CYB5R4: variants seen among roughly 807,000 people sequenced by gnomAD.
CYB5R4 encodes cytochrome b5 reductase 4, also known as N-terminal cytochrome b5 and cytochrome b5 oxidoreductase domain-containing protein.
A neutral mutation model predicts 70.2 loss-of-function variants in CYB5R4; 55 were observed. The ratio of observed to expected loss-of-function variants is 0.78; its 90% CI spans 0.63 to 0.98. The LOEUF is 0.98. Among genes scored for constraint, CYB5R4 ranks in the 50% least tolerant of loss-of-function variants. CYB5R4 has a pLI of 0.00. For synonymous variants in CYB5R4, 197 were observed against 199.5 expected (o/e 0.99, Z 0.11); for missense variants, 562 against 612.6 (o/e 0.92, Z 0.87).
intron 3 of CYB5R4, among the ~76,000 whole-genome samples, chr6:83,898,680 A>G (rs1236071129): frequency 6.6e-6 from 1 of 152,058 alleles, no homozygotes; most frequent in African/African-American, 2.4e-5. Context: ...GGTCCTTCAC[A>G]TCCCTTGTAA....
intron 4 of CYB5R4, among the ~76,000 whole-genome samples, chr6:83,912,097 A>G (rs2099464788): frequency 6.9e-6 from 1 of 145,042 alleles, no homozygotes; most frequent in Non-Finnish European, 1.5e-5. Flanking sequence ...CTTTATTTTT[A>G]ATTCCGTTTA....
chr6:83,907,886 C>G (rs1393816767), intron 3 of CYB5R4, among the ~76,000 whole-genome samples: 1 of 152,064 alleles, frequency 6.6e-6, no homozygotes, highest in Non-Finnish European at 1.5e-5. Flanking sequence ...CATTTATGGG[C>G]ATTTAGGTTG....
chr6:83,955,059 TA>T (rs1019649820), intron 14 of CYB5R4, among the ~76,000 whole-genome samples: 8 of 150,896 alleles, frequency 5.3e-5, no homozygotes, highest in African/African-American at 9.7e-5. Context: ...TAGTTCAATT[TA>T]AAAAAAAATG....
chr6:83,939,504 T>G (rs1004017752), intron 12 of CYB5R4, among the ~76,000 whole-genome samples: 1 of 152,182 alleles, frequency 6.6e-6, no homozygotes, highest in African/African-American at 2.4e-5. Flanking sequence ...TTAATAGGTC[T>G]TTTCAAAAAT....
intron 14 of CYB5R4, among the ~76,000 whole-genome samples, chr6:83,945,210 A>G (rs1216773804): frequency 2.0e-4 from 30 of 152,052 alleles, no homozygotes. Context: ...AGGAACAGAA[A>G]TCATAACGGT....
intron 3 of CYB5R4, among the ~76,000 whole-genome samples, chr6:83,900,947 G>A (rs1018315908): frequency 6.6e-6 from 1 of 152,156 alleles, no homozygotes; most frequent in Admixed American, 6.6e-5. Flanking sequence ...TCTTTTAATT[G>A]GAGCATTCAG....
rs1386694190 is a variant in CYB5R4, at chr6:83,962,056, A to G, written c.*2178A>G. ...AATGGGAGTGACTAATTTGAGAATC[A>G]GCTGAGCTTCAGTTTTCAATATCCA... On this transcript the variant is annotated 3_prime_UTR_variant, in exon 16 of 16. Transcript: ENST00000369681. 6.6e-6 allele frequency: 1 copy of G among 152,176 alleles called. No homozygotes were observed. Among genetic ancestry groups the G allele is most frequent in the Non-Finnish European group, 1.5e-5 (1 of 68,036 alleles). 9.4% of individuals were successfully genotyped at this position (152,176 alleles called of 1,614,324 possible).
intron 3 of CYB5R4, among the ~76,000 whole-genome samples, chr6:83,906,852 A>T (rs1225501293): frequency 6.6e-6 from 1 of 152,180 alleles, no homozygotes; most frequent in African/African-American, 2.4e-5. Flanking sequence ...TTCCAGTATC[A>T]ACATTTTTTT....
At chr6:83,922,398 T>C in intron 8 of CYB5R4, 40 bp from the exon 9 acceptor site, 2 of 1,567,758 alleles carry the variant, frequency 1.3e-6, no homozygotes, top group Non-Finnish European at 1.7e-6. Context: ...ACTGTATGAA[T>C]TGAAGTTCTA....
At chr6:83,869,767 C>T (rs1376249945) in intron 2 of CYB5R4, among the ~76,000 whole-genome samples, 1 of 151,678 alleles carries the variant, frequency 6.6e-6, no homozygotes, top group Admixed American at 6.6e-5. Context: ...AGGTTCCAGT[C>T]AGCCGAGATC....
intron 2 of CYB5R4, among the ~76,000 whole-genome samples, chr6:83,864,914 CTT>C (rs1326784509): frequency 1.3e-5 from 2 of 151,864 alleles, no homozygotes; most frequent in Admixed American, 1.3e-4. Flanking sequence ...TAAAAGCTGA[CTT>C]TGTGGTAGCC....
At chr6:83,880,237 T>C (rs2099459238) in intron 2 of CYB5R4, among the ~76,000 whole-genome samples, 1 of 152,254 alleles carries the variant, frequency 6.6e-6, no homozygotes, top group Non-Finnish European at 1.5e-5. Context: ...ATCATTTCTT[T>C]GTGATGGGAA....
At chr6:83,905,872 A>G (rs1174964112) in intron 3 of CYB5R4, among the ~76,000 whole-genome samples, 2 of 152,158 alleles carry the variant, frequency 1.3e-5, no homozygotes, top group African/African-American at 2.4e-5. Context: ...GCCAGTCTCT[A>G]ACCCTGCAGA....
intron 2 of CYB5R4, among the ~76,000 whole-genome samples, chr6:83,891,081 A>T (rs533946661): frequency 6.6e-6 from 1 of 152,016 alleles, no homozygotes; most frequent in African/African-American, 2.4e-5. Flanking sequence ...TAGCAGGGGG[A>T]CTACAGGCAC....
At chr6:83,898,584 TC>T (rs1443504836) in intron 3 of CYB5R4, among the ~76,000 whole-genome samples, 6 of 152,252 alleles carry the variant, frequency 3.9e-5, no homozygotes, top group Admixed American at 3.3e-4. Flanking sequence ...TATTGATTCT[TC>T]CTACCCACGA....
chr6:83,909,009 G>C lies in CYB5R4; in HGVS notation c.331G>C (p.Val111Leu). 6.2e-7 allele frequency: 1 copy of C among 1,612,954 alleles called. No individual in the cohort carries two copies. The highest frequency in any genetic ancestry group is 8.5e-7 in the Non-Finnish European group (1 of 1,179,112). Reference sequence around the variant, plus strand: ...TTCCATCATTTGTTTTACATACCAGGTTCATCGTTGGGTCAATTATGAATC... The same window carrying C: ...TTCCATCATTTGTTTTACATACCAGCTTCATCGTTGGGTCAATTATGAATC... ...GSDGTELFDQVHRWVNYESML... is the reference protein window; with the variant it reads ...GSDGTELFDQLHRWVNYESML... Residue 111 changes from valine to leucine, a missense_variant and splice_region_variant, in exon 4 of 16, where the codon GTT becomes CTT. Val to Leu is a conservative substitution (Grantham distance 32, BLOSUM62 1). Transcript: ENST00000369681.
chr6:83,875,286 G>GT (rs1198154994), intron 2 of CYB5R4, among the ~76,000 whole-genome samples: 2 of 152,006 alleles, frequency 1.3e-5, no homozygotes, highest in African/African-American at 2.4e-5. Context: ...AAATTTTAAT[G>GT]TTTTTTTAGA....
chr6:83,961,622 A>G lies in CYB5R4; in HGVS notation c.*1744A>G, dbSNP rs530955040. 2.0e-5 allele frequency: 3 copies of G among 152,670 alleles called. No individual in the cohort carries two copies. The East Asian group carries it at 5.8e-4, about 29-fold the overall frequency. 9.5% of individuals were successfully genotyped at this position (152,670 alleles called of 1,614,324 possible). ...CCCAGCCATGCAGAACTGTGAGTCA[A>G]TTAAACCTCTTTTCTTCATAAATTA... is the stretch of plus-strand genomic sequence containing the variant. On this transcript the variant is annotated 3_prime_UTR_variant, in exon 16 of 16. Transcript: ENST00000369681.
intron 3 of CYB5R4, 79 bp downstream of exon 3, chr6:83,893,701 AG>A (rs1562832178): frequency 1.2e-6 from 1 of 827,232 alleles, no homozygotes; most frequent in African/African-American, 1.7e-5. Flanking sequence ...GTAGAAAGAA[AG>A]GAAATAGTTG....
Sources: allele counts gnomAD v4.1 joint callset (sites outside exome capture counted in the v4.1 genomes callset), GRCh38; gene constraint gnomAD v4.1.1; transcripts MANE v1.5; gene names NCBI Gene and HGNC (gene_info 2026-07-23, HGNC 2026-07-21).